Variants in TENM3 observed in about 807,000 individuals in gnomAD.
TENM3 encodes the protein teneurin-3.
In TENM3, 63 loss-of-function variants were observed where a neutral mutation model predicts 255.1. That is an observed-to-expected ratio of 0.25 (90% CI 0.20 to 0.30). TENM3 has a LOEUF of 0.30. Among genes scored for constraint, TENM3 ranks in the 10% least tolerant of loss-of-function variants. The pLI is 1.00. For missense variants in TENM3, 2,929 were observed against 3,461.1 expected, an observed-to-expected ratio of 0.85 and a Z score of 3.86; for synonymous variants, 1,306 against 1,322.3, an observed-to-expected ratio of 0.99 and a Z score of 0.27.
the TENM3 span, among the ~76,000 whole-genome samples, chr4:181,703,846 A>G: frequency 6.6e-6 from 1 of 151,810 alleles, no homozygotes; most frequent in Non-Finnish European, 1.5e-5. Flanking sequence ...AAAGCAGCAT[A>G]TTGTTTTCTT....
chr4:181,528,405 C>A, the TENM3 span, among the ~76,000 whole-genome samples: 1 of 152,180 alleles, frequency 6.6e-6, no homozygotes, highest in Non-Finnish European at 1.5e-5. Flanking sequence ...ACACTATAGT[C>A]TTCGAGTGAA....
chr4:181,925,248 A>G, the TENM3 span, among the ~76,000 whole-genome samples: 2 of 152,224 alleles, frequency 1.3e-5, no homozygotes, highest in Non-Finnish European at 2.9e-5. Context: ...ATTCTTAGCA[A>G]AGTATCATAG....
intron 6 of TENM3, among the ~76,000 whole-genome samples, chr4:182,672,546 A>T (rs1755308752): frequency 6.6e-6 from 1 of 152,210 alleles, no homozygotes; most frequent in African/African-American, 2.4e-5. Context: ...CCGAGCCATC[A>T]GTTGGTTTTA....
intron 2 of TENM3, 28 bp downstream of exon 2, chr4:182,324,280 C>T (rs1165831955): frequency 2.0e-6 from 3 of 1,514,614 alleles, no homozygotes; most frequent in South Asian, 2.2e-5. Context: ...TAAAATAAGG[C>T]AATGCTCACG....
At chr4:182,310,213 A>C (rs1034208724) in intron 1 of TENM3, among the ~76,000 whole-genome samples, 1 of 151,778 alleles carries the variant, frequency 6.6e-6, no homozygotes, top group Admixed American at 6.6e-5. Flanking sequence ...CTTTTTCTTT[A>C]AATTCTTATT....
At position 182,346,777 on chromosome 4, in the gene TENM3, C is replaced by T; in HGVS notation, c.359C>T (p.Thr120Ile). The T allele has an allele frequency of 1.2e-6, 2 of 1,613,574 alleles. No homozygotes were observed. Among genetic ancestry groups the T allele is most frequent in the Non-Finnish European group, 1.7e-6 (2 of 1,179,740 alleles). Residue 120 changes from threonine (T) to isoleucine (I), a missense_variant, in exon 3 of 28, where the codon ACT (threonine) becomes ATT (isoleucine). Thr to Ile is a moderately conservative substitution (Grantham distance 89, BLOSUM62 -1). Coordinates refer to ENST00000511685, the MANE Select transcript of TENM3 (RefSeq NM_001080477.4). ...ATCAGTGCAGGGTCAGATGCTGATA[C>T]TGAAAATGAAGCAGTGATGTCCCCA... Reference protein sequence around the residue: ...YSISAGSDADTENEAVMSPEH... With the variant: ...YSISAGSDADIENEAVMSPEH...
chr4:182,309,811 CTAA>C (rs1762335441), intron 1 of TENM3, among the ~76,000 whole-genome samples: 1 of 152,184 alleles, frequency 6.6e-6, no homozygotes, highest in Non-Finnish European at 1.5e-5. Context: ...AGATTTAAGC[CTAA>C]TGACAGCGGA....
rs1296002521 is a variant in TENM3, at chr4:182,230,522, G to C, written c.-76+85768G>C. 3.3e-5 allele frequency among the ~76,000 whole-genome samples: 5 copies of C among 151,922 alleles called. No individual in the cohort carries two copies. The East Asian group carries it at 9.7e-4, about 30-fold the overall frequency. ...AACTCTTTTCTAGGTGCTTGCAATA[G>C]AGCAGTGACCAAAACAGACAGTCAC... On this transcript the variant is annotated intron_variant, in intron 1 of 2. Coordinates refer to the TENM3 transcript ENST00000512480.
At chr4:181,743,023 T>C in the TENM3 span, among the ~76,000 whole-genome samples, 190 of 152,144 alleles carry the variant, frequency 1.2e-3, 3 homozygotes, top group East Asian at 0.033. Context: ...TTTTTATGGC[T>C]GCATAGTATT....
Position 182,346,757 on chromosome 4 carries a change from T to G in TENM3, c.339T>G (p.Ser113Arg), listed in dbSNP as rs999233021. ...MGLPHRGYSI[S>R]AGSDADTENE... ...TCCCTCACAGAGGTTACTCTATCAG[T>G]GCAGGGTCAGATGCTGATACTGAAA... The change falls in exon 3 of 28, where the codon AGT becomes AGG. Residue 113 changes from serine (S) to arginine (R), a missense_variant. Ser to Arg is a moderately radical substitution (Grantham distance 110, BLOSUM62 -1). This residue lies in a region of TENM3 where 283 missense variants were observed against 256.9 expected (regional missense o/e 1.10). Coordinates refer to ENST00000511685, the MANE Select transcript of TENM3 (RefSeq NM_001080477.4). The G allele has an allele frequency of 1.9e-6, 3 of 1,613,498 alleles. No individual in the cohort carries two copies. The Admixed American group carries it at 5.0e-5, about 27-fold the overall frequency.
chr4:182,100,810 CATATAT>C, the TENM3 span, among the ~76,000 whole-genome samples: 130 of 6,338 alleles, frequency 0.021, 22 homozygotes, highest in African/African-American at 0.032. Context: ...TATATATACA[CATATAT>C]ATACACATAT....
At chr4:182,670,673 G>A (rs926936939) in intron 6 of TENM3, among the ~76,000 whole-genome samples, 3 of 152,124 alleles carry the variant, frequency 2.0e-5, no homozygotes, top group African/African-American at 7.2e-5. Context: ...TGCTAGTGAT[G>A]TACTCTCCCT....
At chr4:181,998,481 C>T in the TENM3 span, among the ~76,000 whole-genome samples, 1 of 152,180 alleles carries the variant, frequency 6.6e-6, no homozygotes, top group Non-Finnish European at 1.5e-5. Context: ...AGCCAGGTAT[C>T]AAGACCAAAC....
chr4:181,630,620 T>C, the TENM3 span, among the ~76,000 whole-genome samples: 4 of 152,166 alleles, frequency 2.6e-5, no homozygotes, highest in African/African-American at 9.7e-5. Context: ...CAGGAGCAGG[T>C]TGTTCAGTTT....
At chr4:182,091,187 G>A in the TENM3 span, among the ~76,000 whole-genome samples, 1 of 152,150 alleles carries the variant, frequency 6.6e-6, no homozygotes, top group Non-Finnish European at 1.5e-5. Flanking sequence ...GAGCCAACAG[G>A]CTGATGTGTA....
At chr4:182,266,537 A>G (rs1005813577) in intron 1 of TENM3, among the ~76,000 whole-genome samples, 4 of 152,186 alleles carry the variant, frequency 2.6e-5, no homozygotes, top group Non-Finnish European at 5.9e-5. Flanking sequence ...AAAGGGTTAT[A>G]AAAGGTTTAT....
chr4:182,792,145 C>G lies in TENM3; in HGVS notation c.5602-129C>G. ...GAGAAACGTTAACAACACGCAAGGT[C>G]AAGGATAACTCAATTAAAATGAAAA... On this transcript the variant is annotated intron_variant, in intron 25 of 27. Coordinates refer to ENST00000511685, the MANE Select transcript of TENM3 (RefSeq NM_001080477.4). The surrounding 1 kb of genome is among the most constrained non-coding windows in gnomAD (Gnocchi z 6.3). 1 of 922,176 alleles carries G rather than the reference C, an allele frequency of 1.1e-6. No homozygotes were observed. Among genetic ancestry groups the G allele is most frequent in the Non-Finnish European group, 1.6e-6 (1 of 607,042 alleles). The allele number at this position is 922,176 out of a possible 1,614,324, so 57.1% of individuals were successfully genotyped here.
chr4:181,729,119 G>T, the TENM3 span, among the ~76,000 whole-genome samples: 2 of 152,136 alleles, frequency 1.3e-5, no homozygotes. Flanking sequence ...ATTAATAAAT[G>T]CTGTGATGTC....
At chr4:182,055,908 A>C in the TENM3 span, among the ~76,000 whole-genome samples, 1 of 152,066 alleles carries the variant, frequency 6.6e-6, no homozygotes, top group African/African-American at 2.4e-5. Context: ...ATATACAAAA[A>C]CTCATGTGCA....
Sources: gnomAD v4.1 joint callset for allele counts (sites outside exome capture counted in the v4.1 genomes callset) on GRCh38, gnomAD v4.1.1 for gene constraint, gnomAD v4.1.1 regional missense constraint, Gnocchi (gnomAD v3.1) non-coding constraint, MANE v1.5 for transcripts, NCBI Gene and HGNC (gene_info 2026-07-23, HGNC 2026-07-21) for gene names.